The following PLEKHG4B variants were observed in gnomAD, a reference collection of about 807,000 sequenced individuals.
PLEKHG4B encodes the protein pleckstrin homology and RhoGEF domain containing G4B.
Under a neutral mutation model 121.3 loss-of-function variants are expected in PLEKHG4B, and 111 were observed. The ratio of observed to expected loss-of-function variants is 0.92; its 90% confidence interval spans 0.78 to 1.07. The LOEUF (loss-of-function observed/expected upper bound fraction) is 1.07. Among genes scored for constraint, PLEKHG4B ranks in the 50% least tolerant of loss-of-function variants. The pLI, the probability that PLEKHG4B is intolerant of heterozygous loss-of-function variation, is 0.00. For synonymous variants in PLEKHG4B, 738 were observed against 725.0 expected (o/e 1.02, Z -0.29); for missense variants, 1,831 against 1,757.8 (o/e 1.04, Z -0.74).
Position 163,447 on chromosome 5 carries a change from G to GT in PLEKHG4B, c.3376dup (p.Trp1126LeufsTer25). 2 of 1,612,994 alleles carry GT rather than the reference G, an allele frequency of 1.2e-6. No individual in the cohort carries two copies. Among genetic ancestry groups the GT allele is most frequent in the Non-Finnish European group, 1.7e-6 (2 of 1,180,044 alleles). On this transcript the variant is annotated frameshift_variant, in exon 13 of 20. Coordinates refer to ENST00000637938, the MANE Select transcript of PLEKHG4B (RefSeq NM_052909.5). LOFTEE classifies it high-confidence loss of function. Reference sequence around the variant, plus strand: ...TAGCCACAGAGAAGAAGCTCCCGCTGTGGCAGCATGCCAGGAGCCCCCCGG... The same window carrying GT: ...TAGCCACAGAGAAGAAGCTCCCGCTGTTGGCAGCATGCCAGGAGCCCCCCGG...
chr5:122,121 G>A (rs974553752), intron 2 of PLEKHG4B, among the ~76,000 whole-genome samples: 5 of 152,236 alleles, frequency 3.3e-5, no homozygotes, highest in Admixed American at 2.6e-4. Context: ...GTGAGTTAAA[G>A]ATGCATATTG....
At chr5:142,049 G>A (rs1181169048) in intron 3 of PLEKHG4B, among the ~76,000 whole-genome samples, 1 of 152,178 alleles carries the variant, frequency 6.6e-6, no homozygotes, top group African/African-American at 2.4e-5. Flanking sequence ...TGCTGTGCCT[G>A]GAACTTCTGA....
chr5:167,345 T>C (rs1736384879), intron 13 of PLEKHG4B, among the ~76,000 whole-genome samples: 1 of 152,196 alleles, frequency 6.6e-6, no homozygotes, highest in African/African-American at 2.4e-5. Flanking sequence ...GAATGGGATG[T>C]GCGTTCAGCA....
chr5:134,073 T>C (rs1293848807), intron 2 of PLEKHG4B, among the ~76,000 whole-genome samples: 1 of 72,658 alleles, frequency 1.4e-5, no homozygotes, highest in Non-Finnish European at 2.6e-5. Flanking sequence ...ATATATATGA[T>C]AGAATATATA....
intron 1 of PLEKHG4B, among the ~76,000 whole-genome samples, chr5:112,049 A>G (rs920924755): frequency 7.2e-5 from 11 of 152,368 alleles, no homozygotes; most frequent in African/African-American, 2.4e-4. Context: ...TAGATCACAT[A>G]GCATTTCTGC....
chr5:140,711 A>G lies in PLEKHG4B; in HGVS notation c.1472A>G (p.Glu491Gly), dbSNP rs772295110. 2.6e-6 allele frequency: 4 copies of G among 1,562,730 alleles called. No individual in the cohort carries two copies. The highest frequency in any genetic ancestry group is 1.8e-4 in the Middle Eastern group (1 of 5,640). ...VPVEGPGCTK[E>G]EDVLASSACV... ...GTAGAGGGTCCCGGCTGCACCAAAG[A>G]GGAAGGTAAATGCTCCCCACGCCCT... Residue 491 changes from glutamate to glycine, a missense_variant, in exon 3 of 20, where the codon GAG becomes GGG. Glu to Gly is a moderately conservative substitution (Grantham distance 98). Coordinates refer to ENST00000637938, the MANE Select transcript of PLEKHG4B (RefSeq NM_052909.5).
In PLEKHG4B at chr5:155,165, C is replaced by T. The variant is rs574982192; in HGVS notation, c.2109+174C>T. Among the ~76,000 whole-genome samples, 10 of 152,254 alleles carry T rather than the reference C, an allele frequency of 6.6e-5. No homozygotes were observed. The East Asian group carries it at 9.6e-4, about 15-fold the overall frequency. Reference sequence around the variant, plus strand: ...CACGCCGTGGTGCATCTGAGAATGCCGAGCCCGGGTGGGAAGGGCACTGCC... The same window carrying T: ...CACGCCGTGGTGCATCTGAGAATGCTGAGCCCGGGTGGGAAGGGCACTGCC... On this transcript the variant is annotated intron_variant, in intron 8 of 19. Transcript: ENST00000637938.
At chr5:102,536 A>G (rs957891002) in intron 1 of PLEKHG4B, among the ~76,000 whole-genome samples, 1 of 152,134 alleles carries the variant, frequency 6.6e-6, no homozygotes, top group Admixed American at 6.5e-5. Flanking sequence ...AAATGGGTTA[A>G]AAGTGTGTGG....
chr5:163,830 T>A (rs1736138619), intron 13 of PLEKHG4B, among the ~76,000 whole-genome samples: 1 of 152,230 alleles, frequency 6.6e-6, no homozygotes, highest in Non-Finnish European at 1.5e-5. Context: ...CTCTAGTTAT[T>A]TTCAGCCCAC....
chr5:174,545 T>C (rs1312012093), intron 18 of PLEKHG4B, among the ~76,000 whole-genome samples: 1 of 152,134 alleles, frequency 6.6e-6, no homozygotes, highest in Non-Finnish European at 1.5e-5. Context: ...GCACAAAGTC[T>C]GAGGATGGCC....
rs1250207441 is a variant in PLEKHG4B, at chr5:137,770, A to G, written c.244-1713A>G. ...TCACAGGAACATGCCCTGGGCACCAATATGGCTGTGCTGGGCAATAGGATC... is the reference window on the plus strand; with the variant it reads ...TCACAGGAACATGCCCTGGGCACCAGTATGGCTGTGCTGGGCAATAGGATC... On this transcript the variant is annotated intron_variant, in intron 2 of 19. Transcript: ENST00000637938. This position sits in a 1 kb window ranked among gnomAD's most constrained non-coding sequence, Gnocchi z 4.2. Among the ~76,000 whole-genome samples, 1 of 152,202 alleles carries G rather than the reference A, an allele frequency of 6.6e-6. No individual in the cohort carries two copies. The highest frequency in any genetic ancestry group is 1.5e-5 in the Non-Finnish European group (1 of 68,028).
intron 2 of PLEKHG4B, among the ~76,000 whole-genome samples, chr5:134,776 AAAAAAG>A (rs1734901099): frequency 6.7e-6 from 1 of 149,326 alleles, no homozygotes; most frequent in Non-Finnish European, 1.5e-5. Flanking sequence ...AAAAAAAAAA[AAAAAAG>A]AAAAGAAAAG....
At chr5:149,886 C>T (rs1047169747) in intron 6 of PLEKHG4B, among the ~76,000 whole-genome samples, 2 of 152,136 alleles carry the variant, frequency 1.3e-5, no homozygotes, top group Admixed American at 6.5e-5. Context: ...GGCAAAGATA[C>T]GGAGAAACTG....
intron 2 of PLEKHG4B, among the ~76,000 whole-genome samples, chr5:130,853 C>A (rs1160535575): frequency 6.6e-6 from 1 of 152,212 alleles, no homozygotes; most frequent in Non-Finnish European, 1.5e-5. Context: ...AGCATCTGGT[C>A]TAATTTGGTA....
intron 1 of PLEKHG4B, among the ~76,000 whole-genome samples, chr5:99,004 A>ACT (rs1283386760): frequency 1.4e-5 from 2 of 145,214 alleles, no homozygotes; most frequent in Admixed American, 6.8e-5. Context: ...AAAATACAAA[A>ACT]AATTAGCTGG....
chr5:102,290 A>G (rs1229710983), intron 1 of PLEKHG4B, among the ~76,000 whole-genome samples: 1 of 152,026 alleles, frequency 6.6e-6, no homozygotes, highest in Non-Finnish European at 1.5e-5. Context: ...CTGTCATTTT[A>G]TTATTGTTAT....
At chr5:166,357 C>G (rs1288247272) in intron 13 of PLEKHG4B, among the ~76,000 whole-genome samples, 6 of 90,388 alleles carry the variant, frequency 6.6e-5, no homozygotes, top group African/African-American at 2.2e-4. Flanking sequence ...GGGGCTCACA[C>G]TAATGCTCTG....
At chr5:132,915 C>T (rs1361086033) in intron 2 of PLEKHG4B, among the ~76,000 whole-genome samples, 1 of 152,066 alleles carries the variant, frequency 6.6e-6, no homozygotes, top group Non-Finnish European at 1.5e-5. Context: ...ATTGTTTTTT[C>T]TACTTCTGTC....
At chr5:154,833 A>T in intron 7 of PLEKHG4B, 42 bp from the exon 8 acceptor site, 1 of 1,450,554 alleles carries the variant, frequency 6.9e-7, no homozygotes, top group South Asian at 1.1e-5. Flanking sequence ...CCCCCAAGAG[A>T]TGCATCTGGA....
Sources: gnomAD v4.1 joint callset for allele counts (sites outside exome capture counted in the v4.1 genomes callset) on GRCh38, gnomAD v4.1.1 for gene constraint, Gnocchi (gnomAD v3.1) non-coding constraint, MANE v1.5 for transcripts, NCBI Gene and HGNC (gene_info 2026-07-23, HGNC 2026-07-21) for gene names.